The following KIF15 variants were observed in gnomAD, a reference collection of about 807,000 sequenced individuals.
The protein encoded by KIF15 is kinesin family member 15.
Under a neutral mutation model 190.6 loss-of-function variants are expected in KIF15, and 140 were observed. The ratio of observed to expected loss-of-function variants is 0.73; its 90% CI spans 0.64 to 0.84. KIF15 has a LOEUF of 0.84. Ranked by LOEUF, KIF15 falls within the 40% of genes least tolerant of loss-of-function variation. The pLI is 0.00. For missense variants in KIF15, 1,372 were observed against 1,584.4 expected (o/e 0.87, Z 2.28); for synonymous variants, 528 against 551.3 (o/e 0.96, Z 0.59).
At chr3:44,775,501 G>A (rs1705838728) in intron 3 of KIF15, 64 bp downstream of exon 3, 1 of 1,266,476 alleles carries the variant, frequency 7.9e-7, no homozygotes, top group East Asian at 2.4e-5. Flanking sequence ...CTGTCACCAG[G>A]CTGGAGTGCA....
At chr3:44,833,909 C>T (rs564684615) in intron 26 of KIF15, among the ~76,000 whole-genome samples, 1 of 152,240 alleles carries the variant, frequency 6.6e-6, no homozygotes, top group Non-Finnish European at 1.5e-5. Flanking sequence ...AGATGATGGG[C>T]TAAAAATTCA....
intron 29 of KIF15, 58 bp downstream of exon 29, chr3:44,841,296 A>T: frequency 7.2e-7 from 1 of 1,391,898 alleles, no homozygotes; most frequent in Non-Finnish European, 9.8e-7. Context: ...AAGTCTCGCT[A>T]TGTTGCCCAG....
chr3:44,811,878 T>C (rs1707800723), intron 17 of KIF15, among the ~76,000 whole-genome samples: 1 of 152,188 alleles, frequency 6.6e-6, no homozygotes, highest in Non-Finnish European at 1.5e-5. Flanking sequence ...GGAAGCTTCT[T>C]AGAAGTCTCA....
At chr3:44,799,130 G>C (rs2125633099) in intron 10 of KIF15, 1 of 389,638 alleles carries the variant, frequency 2.6e-6, no homozygotes, top group African/African-American at 2.1e-5. Context: ...ATATAGAACT[G>C]CAGCAATAAT....
At chr3:44,829,775 GTATATATATAATATA>G (rs1443253439) in intron 24 of KIF15, among the ~76,000 whole-genome samples, 181 bp from the exon 25 acceptor site, 2 of 138,896 alleles carry the variant, frequency 1.4e-5, no homozygotes, top group Non-Finnish European at 3.0e-5. Context: ...TATTATAGAT[GTATATATATAATATA>G]TGCATATATA....
chr3:44,840,176 C>T (rs560734510), intron 27 of KIF15, among the ~76,000 whole-genome samples, 179 bp from the exon 28 acceptor site: 2 of 152,332 alleles, frequency 1.3e-5, no homozygotes, highest in South Asian at 4.1e-4. Context: ...CACAACCTCA[C>T]CAACACTTAA....
chr3:44,848,251 A>G (rs942093764), intron 31 of KIF15, among the ~76,000 whole-genome samples, 194 bp downstream of exon 31: 3 of 152,260 alleles, frequency 2.0e-5, no homozygotes, highest in African/African-American at 7.2e-5. Context: ...TCATGCCTAC[A>G]TGGCAAGCCT....
chr3:44,777,011 T>TG (rs1553644033), intron 3 of KIF15, among the ~76,000 whole-genome samples: 1 of 150,330 alleles, frequency 6.7e-6, no homozygotes, highest in East Asian at 1.9e-4. Flanking sequence ...TTTTTTTTTT[T>TG]GTAAGAGATG....
intron 24 of KIF15, among the ~76,000 whole-genome samples, chr3:44,829,628 T>TA: frequency 1.6e-5 from 2 of 123,970 alleles, no homozygotes; most frequent in African/African-American, 6.9e-5. Flanking sequence ...TGTATATACA[T>TA]TATATATGTA....
chr3:44,847,706 G>C (rs1409450580), intron 30 of KIF15, among the ~76,000 whole-genome samples: 2 of 152,140 alleles, frequency 1.3e-5, no homozygotes, highest in African/African-American at 4.8e-5. Context: ...AGTTTCTACT[G>C]TATTTTACTT....
At chr3:44,782,993 T>TAAAC (rs1575588176) in intron 5 of KIF15, among the ~76,000 whole-genome samples, 7 of 152,234 alleles carry the variant, frequency 4.6e-5, no homozygotes, top group Admixed American at 6.5e-5. Flanking sequence ...TTTTTTAAAA[T>TAAAC]AAACAAATAG....
intron 7 of KIF15, among the ~76,000 whole-genome samples, chr3:44,792,363 A>T (rs2125924885): frequency 6.6e-6 from 1 of 151,418 alleles, no homozygotes; most frequent in African/African-American, 2.4e-5. Flanking sequence ...ACTCCCACCT[A>T]CTCTGGAGGC....
rs984423999 is a variant in KIF15, at chr3:44,803,047, C to T, written c.1687+56C>T. 8.8e-6 allele frequency: 13 copies of T among 1,481,094 alleles called. No homozygotes were observed. The East Asian group carries it at 2.8e-4, about 32-fold the overall frequency. 91.7% of individuals were successfully genotyped at this position (1,481,094 alleles called of 1,614,324 possible). ...TGTAGGAAGGGGCTGTTTTAAAGAG[C>T]ATTTTTAGTGCCTTGTGACTAGGGT... On this transcript the variant is annotated intron_variant, in intron 14 of 34. Coordinates refer to ENST00000326047, the MANE Select transcript of KIF15 (RefSeq NM_020242.3).
At chr3:44,861,487 T>C (rs555181314) in intron 6 of KIF15, among the ~76,000 whole-genome samples, 3 of 152,188 alleles carry the variant, frequency 2.0e-5, no homozygotes, top group Non-Finnish European at 4.4e-5. Context: ...CCGAGGCATC[T>C]CTTGGTCCGG....
chr3:44,763,832 C>T (rs564716154), intron 1 of KIF15, among the ~76,000 whole-genome samples: 32 of 152,218 alleles, frequency 2.1e-4, no homozygotes, highest in Non-Finnish European at 3.1e-4. Flanking sequence ...GGACTACAGG[C>T]GTGCACCACC....
intron 27 of KIF15, among the ~76,000 whole-genome samples, chr3:44,839,618 G>A (rs1162504408): frequency 6.6e-6 from 1 of 151,964 alleles, no homozygotes; most frequent in Non-Finnish European, 1.5e-5. Flanking sequence ...ATCTCCAAAA[G>A]GTATTCCTCC....
chr3:44,828,218 C>T lies in KIF15; in HGVS notation c.2861C>T (p.Ala954Val), dbSNP rs1697781834. 9 of 1,610,986 alleles carry T rather than the reference C, an allele frequency of 5.6e-6. No individual in the cohort carries two copies. The highest frequency in any genetic ancestry group is 6.8e-6 in the Non-Finnish European group (8 of 1,177,640). ...AATATTTCTTTTTCACCATAGATGG[C>T]AAAAGTACAGAAACTAGAAGAGAGC... is the stretch of plus-strand genomic sequence containing the variant. ...KETAKCEQQM[A>V]KVQKLEESLL... Residue 954 changes from alanine to valine, a missense_variant, in exon 24 of 35, where the codon GCA becomes GTA. Transcript: ENST00000326047.
intron 1 of KIF15, among the ~76,000 whole-genome samples, chr3:44,766,707 A>T (rs1178693765): frequency 6.6e-6 from 1 of 151,410 alleles, no homozygotes; most frequent in African/African-American, 2.4e-5. Context: ...AACTTTCTTG[A>T]TGAATTTTCA....
intron 7 of KIF15, among the ~76,000 whole-genome samples, chr3:44,793,417 T>C (rs1433459043): frequency 6.6e-6 from 1 of 152,204 alleles, no homozygotes; most frequent in Non-Finnish European, 1.5e-5. Context: ...GGTAAAGAAA[T>C]GGGTTCAGAG....
Sources: gnomAD v4.1 joint callset for allele counts (sites outside exome capture counted in the v4.1 genomes callset) on GRCh38, gnomAD v4.1.1 for gene constraint, MANE v1.5 for transcripts, NCBI Gene and HGNC (gene_info 2026-07-23, HGNC 2026-07-21) for gene names.